Variants in BICRA observed in about 807,000 individuals in gnomAD.
BICRA encodes the protein BRD4-interacting chromatin-remodeling complex-associated protein.
BICRA carries 31 observed loss-of-function variants against 96.9 expected under a neutral mutation model. The observed-to-expected ratio is 0.32, with a 90% confidence interval of 0.24 to 0.43. BICRA has a LOEUF of 0.43. Among genes scored for constraint, BICRA ranks in the 20% least tolerant of loss-of-function variants. BICRA has a pLI of 1.00. For missense variants in BICRA, 2,283 were observed against 2,190.3 expected (o/e 1.04, Z -0.84); for synonymous variants, 1,350 against 1,071.8 (o/e 1.26, Z -5.07).
chr19:47,671,259 C>T (rs1053883205), intron 2 of BICRA, among the ~76,000 whole-genome samples: 1 of 152,140 alleles, frequency 6.6e-6, no homozygotes, highest in South Asian at 2.1e-4. Context: ...ACTAAGGAGG[C>T]CCCTGTTAGG....
intron 1 of BICRA, among the ~76,000 whole-genome samples, chr19:47,643,019 G>A (rs745998082): frequency 6.6e-6 from 1 of 152,226 alleles, no homozygotes; most frequent in East Asian, 1.9e-4. Context: ...CTCCAGGCTG[G>A]AGTGCAGTGG....
In BICRA at chr19:47,699,083, G is replaced by C; in HGVS notation, c.3492+24G>C. ...GGGTAGGGTCAGAGTCGCCTTCCTCGCCTCTGGGCTCCTCCTCGCTGGGAC... is the reference window on the plus strand; with the variant it reads ...GGGTAGGGTCAGAGTCGCCTTCCTCCCCTCTGGGCTCCTCCTCGCTGGGAC... On this transcript the variant is annotated intron_variant, in intron 13 of 14. Transcript: ENST00000594866. The surrounding 1 kb of genome is among the most constrained non-coding windows in gnomAD (Gnocchi z 5.0). The C allele has an allele frequency of 6.9e-7, 1 of 1,442,616 alleles. No individual in the cohort carries two copies. Among genetic ancestry groups the C allele is most frequent in the South Asian group, 1.2e-5 (1 of 82,080 alleles). 89.4% of individuals were successfully genotyped at this position (1,442,616 alleles called of 1,614,324 possible).
intron 1 of BICRA, among the ~76,000 whole-genome samples, chr19:47,624,009 G>A (rs1362910345): frequency 6.6e-6 from 1 of 151,922 alleles, no homozygotes; most frequent in East Asian, 1.9e-4. Flanking sequence ...GCACCACCGC[G>A]CCCGGCTAAT....
At chr19:47,647,657 C>A (rs1181079680) in intron 1 of BICRA, among the ~76,000 whole-genome samples, 1 of 152,090 alleles carries the variant, frequency 6.6e-6, no homozygotes, top group Non-Finnish European at 1.5e-5. Flanking sequence ...TTGTAGAATC[C>A]TCCTTCCCGG....
chr19:47,671,717 G>A (rs1364740183), intron 2 of BICRA, among the ~76,000 whole-genome samples: 2 of 150,364 alleles, frequency 1.3e-5, no homozygotes, highest in African/African-American at 2.5e-5. Context: ...GTGGGTAGAT[G>A]GGTAGAAGGA....
chr19:47,628,557 G>A (rs959084180), intron 1 of BICRA, among the ~76,000 whole-genome samples: 1 of 152,154 alleles, frequency 6.6e-6, no homozygotes, highest in Non-Finnish European at 1.5e-5. Context: ...CATATAACAC[G>A]ACGAAAGTCT....
At chr19:47,682,829 G>A (rs1973087988) in intron 7 of BICRA, among the ~76,000 whole-genome samples, 1 of 152,058 alleles carries the variant, frequency 6.6e-6, no homozygotes, top group Non-Finnish European at 1.5e-5. Flanking sequence ...CCGCCACCAT[G>A]CTGGGCTAAT....
intron 1 of BICRA, among the ~76,000 whole-genome samples, chr19:47,634,984 G>C (rs892796138): frequency 6.6e-6 from 1 of 151,830 alleles, no homozygotes; most frequent in Non-Finnish European, 1.5e-5. Flanking sequence ...AGATGGTCTC[G>C]ATCTCCTGAC....
At position 47,701,296 on chromosome 19, in the gene BICRA, C is replaced by T. The variant is rs747704455; in HGVS notation, c.3596-32C>T. ...CTCGGTCGGGGGGTCCTCATCCTAA[C>T]CCCGCGGGTTTTCTTTGCCCCGATT... On this transcript the variant is annotated intron_variant, in intron 14 of 14. Coordinates refer to ENST00000594866, the MANE Select transcript of BICRA (RefSeq NM_001394372.1). The surrounding 1 kb of genome is among the most constrained non-coding windows in gnomAD (Gnocchi z 5.4). 1 of 1,558,270 alleles carries T rather than the reference C, an allele frequency of 6.4e-7. No individual in the cohort carries two copies. The highest frequency in any genetic ancestry group is 8.8e-7 in the Non-Finnish European group (1 of 1,137,766).
Position 47,642,426 on chromosome 19 carries a change from C to A in BICRA, c.-107-28017C>A, listed in dbSNP as rs528858693. Among the ~76,000 whole-genome samples the A allele has an allele frequency of 6.6e-5, 10 of 152,296 alleles. No individual in the cohort carries two copies. The East Asian group carries it at 1.2e-3, about 18-fold the overall frequency. The stretch of plus-strand genomic sequence containing the variant: ...TTTTGTTAGAAACTGCCCACCTGGG[C>A]GCAGTGGCTCACACCTGTAGTCCCA... On this transcript the variant is annotated intron_variant, in intron 1 of 14. Transcript: ENST00000594866.
chr19:47,613,069 G>T (rs945847904), intron 1 of BICRA, among the ~76,000 whole-genome samples: 4 of 152,162 alleles, frequency 2.6e-5, no homozygotes, highest in Non-Finnish European at 5.9e-5. Flanking sequence ...GTCCGAGTGA[G>T]GCCCTAGAGG....
chr19:47,675,318 C>T lies in BICRA; in HGVS notation c.85-533C>T, dbSNP rs1250470315. The stretch of plus-strand genomic sequence containing the variant: ...GCCATGGACATACATTCACTGGGCA[C>T]ATATGTGGATGCCAGGGCCTGTTCT... On this transcript the variant is annotated intron_variant, in intron 4 of 14. Transcript: ENST00000594866. This position sits in a 1 kb window ranked among gnomAD's most constrained non-coding sequence, Gnocchi z 4.7. Among the ~76,000 whole-genome samples the T allele has an allele frequency of 1.3e-5, 2 of 152,184 alleles. No homozygotes were observed. The highest frequency in any genetic ancestry group is 2.9e-5 in the Non-Finnish European group (2 of 68,036).
At chr19:47,658,815 C>T (rs1328849310) in intron 1 of BICRA, among the ~76,000 whole-genome samples, 6 of 152,082 alleles carry the variant, frequency 3.9e-5, no homozygotes, top group South Asian at 2.1e-4. Flanking sequence ...TCTACAAACC[C>T]GTGCGCACGT....
rs1973388909 is a variant in BICRA, at chr19:47,698,739, T to C, written c.3354T>C (p.His1118=). 6.2e-7 allele frequency: 1 copy of C among 1,610,082 alleles called. No individual in the cohort carries two copies. The highest frequency in any genetic ancestry group is 1.7e-4 in the Middle Eastern group (1 of 6,052). ...EDALHRLLPY[H]VYQGALPSPS... ...CCCTGCATCGCCTCCTGCCCTACCA[T>C]GTCTACCAGGGCGCCCTCCCCTCCC... is the stretch of plus-strand genomic sequence containing the variant. Residue 1118 remains histidine (H), a synonymous_variant, in exon 12 of 15, where the codon CAT becomes CAC. Transcript: ENST00000594866. The surrounding 1 kb of genome is among the most constrained non-coding windows in gnomAD (Gnocchi z 4.8).
chr19:47,698,586 T>TCCCCCCCCCC lies in BICRA; in HGVS notation c.3249-41_3249-40insCCCCCCCCCC. On this transcript the variant is annotated intron_variant, in intron 11 of 14. Coordinates refer to ENST00000594866, the MANE Select transcript of BICRA (RefSeq NM_001394372.1). The surrounding 1 kb of genome is among the most constrained non-coding windows in gnomAD (Gnocchi z 4.8). ...AGGGACTTCCCCTGGCCCTCACCCG[T>TCCCCCCCCCC]CCCCCCCACCCTCCGCCGTGTGTGG... 9 of 716,694 alleles carry TCCCCCCCCCC rather than the reference T, an allele frequency of 1.3e-5. No homozygotes were observed. Among genetic ancestry groups the TCCCCCCCCCC allele is most frequent in the East Asian group, 2.9e-5 (1 of 34,894 alleles). 44.4% of individuals were successfully genotyped at this position (716,694 alleles called of 1,614,324 possible).
chr19:47,675,929 G>GC lies in BICRA; in HGVS notation c.150+14dup. The GC allele has an allele frequency of 2.5e-6, 4 of 1,588,604 alleles. No individual in the cohort carries two copies. The highest frequency in any genetic ancestry group is 2.6e-6 in the Non-Finnish European group (3 of 1,163,214). On this transcript the variant is annotated intron_variant, in intron 5 of 14. Transcript: ENST00000594866. The surrounding 1 kb of genome is among the most constrained non-coding windows in gnomAD (Gnocchi z 4.7). Reference sequence around the variant, plus strand: ...TGAAGGTCCTGGGGTAAGTGCCGTGGCTCCCGATCATTGCCTGAGCTGTTG... The same window carrying GC: ...TGAAGGTCCTGGGGTAAGTGCCGTGGCCTCCCGATCATTGCCTGAGCTGTTG...
chr19:47,609,857 C>T (rs1384487286), intron 1 of BICRA, among the ~76,000 whole-genome samples: 1 of 152,080 alleles, frequency 6.6e-6, no homozygotes, highest in Non-Finnish European at 1.5e-5. Context: ...TCGCACCGCC[C>T]CTAAACAATG....
At chr19:47,639,183 T>C (rs899880247) in intron 1 of BICRA, among the ~76,000 whole-genome samples, 5 of 151,522 alleles carry the variant, frequency 3.3e-5, no homozygotes, top group South Asian at 2.1e-4. Context: ...TTTTTTCATA[T>C]TTTTTGTAGA....
In BICRA at chr19:47,680,775, G is replaced by C; in HGVS notation, c.1605G>C (p.Gly535=). 1 of 1,610,264 alleles carries C rather than the reference G, an allele frequency of 6.2e-7. No individual in the cohort carries two copies. Among genetic ancestry groups the C allele is most frequent in the Non-Finnish European group, 8.5e-7 (1 of 1,178,970 alleles). Residue 535 remains glycine, a synonymous_variant, in exon 6 of 15, where the codon GGG becomes GGC. Transcript: ENST00000594866. The part of the protein sequence containing the change: ...SLGPVLAPHS[G]AHSAHILSAA... ...GCCCCGTGTTGGCCCCCCACTCCGG[G>C]GCCCACAGCGCGCACATCCTCTCCG...
Sources: allele counts gnomAD v4.1 joint callset (sites outside exome capture counted in the v4.1 genomes callset), GRCh38; gene constraint gnomAD v4.1.1; non-coding constraint Gnocchi (gnomAD v3.1); transcripts MANE v1.5; gene names NCBI Gene and HGNC (gene_info 2026-07-23, HGNC 2026-07-21).